The following FANCC variants were observed in gnomAD, a reference collection of about 807,000 sequenced individuals.
FANCC encodes the protein Fanconi anemia group C protein.
Under a neutral mutation model 71.3 loss-of-function variants are expected in FANCC, and 55 were observed. The ratio of observed to expected loss-of-function variants is 0.77; its 90% CI spans 0.62 to 0.97. The LOEUF is 0.97. Among genes scored for constraint, FANCC ranks in the 50% least tolerant of loss-of-function variants. The pLI, the probability that FANCC is intolerant of heterozygous loss-of-function variation, is 0.00. For missense variants in FANCC, 678 were observed against 670.9 expected, an observed-to-expected ratio of 1.01 and a Z score of -0.12; for synonymous variants, 275 against 244.9, an observed-to-expected ratio of 1.12 and a Z score of -1.15.
intron 8 of FANCC, 39 bp downstream of exon 8, chr9:95,135,307 C>T: frequency 1.9e-6 from 3 of 1,603,826 alleles, no homozygotes; most frequent in South Asian, 1.1e-5. Context: ...CAAGCATCTC[C>T]TTCAAGGATT....
At chr9:95,294,510 G>C (rs1182382928) in intron 1 of FANCC, 9 of 1,571,988 alleles carry the variant, frequency 5.7e-6, no homozygotes, top group Admixed American at 1.7e-5. Context: ...GAAGTATTCT[G>C]AAACACTCCA....
In FANCC at chr9:95,100,283, C is replaced by T. The variant is rs1421954676; in HGVS notation, c.*1424G>A. ...CATGATGGCAGCTGCCACCAAAATACTTTACCAGCACACCCTTCTGACTGC... is the reference window on the plus strand; with the variant it reads ...CATGATGGCAGCTGCCACCAAAATATTTTACCAGCACACCCTTCTGACTGC... On this transcript the variant is annotated 3_prime_UTR_variant, in exon 15 of 15. Coordinates refer to ENST00000289081, the MANE Select transcript of FANCC (RefSeq NM_000136.3). 4.3e-6 allele frequency: 1 copy of T among 232,852 alleles called. No individual in the cohort carries two copies. Among genetic ancestry groups the T allele is most frequent in the Non-Finnish European group, 8.5e-6 (1 of 117,848 alleles). The allele number at this position is 232,852 out of a possible 1,614,324, so 14.4% of individuals were successfully genotyped here. A position where few individuals can be genotyped will look rare whatever the true frequency, so the allele number is the denominator to read the frequency against.
chr9:95,294,879 G>C (rs1834277255), intron 1 of FANCC: 1 of 1,375,692 alleles, frequency 7.3e-7, no homozygotes, highest in South Asian at 1.6e-5. Flanking sequence ...ACGGACGGGG[G>C]ACAACAGTAT....
intron 6 of FANCC, among the ~76,000 whole-genome samples, chr9:95,169,279 CCAT>C (rs1395859592): frequency 6.6e-6 from 1 of 152,140 alleles, no homozygotes; most frequent in Non-Finnish European, 1.5e-5. Flanking sequence ...AAAATTACAG[CCAT>C]CATATATGAT....
In FANCC at chr9:95,317,657, C is replaced by T. The variant is rs1351995479; in HGVS notation, c.-210G>A. ...TTTGAGTTTTTTTGGAATTTTCCCG[C>T]GGTCGCCCGGCAGTGGAGCCGCGCG... On this transcript the variant is annotated 5_prime_UTR_variant, in exon 1 of 15. Transcript: ENST00000289081. The T allele has an allele frequency of 2.6e-5, 4 of 152,360 alleles. No individual in the cohort carries two copies. The highest frequency in any genetic ancestry group is 4.4e-5 in the Non-Finnish European group (3 of 68,060). The allele number at this position is 152,360 out of a possible 1,614,324, so 9.4% of individuals were successfully genotyped here.
chr9:95,130,996 GATCTAT>G (rs963230369), intron 8 of FANCC, among the ~76,000 whole-genome samples: 1 of 152,038 alleles, frequency 6.6e-6, no homozygotes, highest in African/African-American at 2.4e-5. Flanking sequence ...TACATTTTCA[GATCTAT>G]TTTGTTTTAA....
In FANCC at chr9:95,293,537, A is replaced by T. The variant is rs1327361270; in HGVS notation, c.-79+23989T>A. ...GTCCATCTAATACTTTACAAGAACT[A>T]GGGAACACATGTCAGAAGAACGGCA... On this transcript the variant is annotated intron_variant, in intron 1 of 14. Coordinates refer to ENST00000289081, the MANE Select transcript of FANCC (RefSeq NM_000136.3). The T allele has an allele frequency of 2.5e-6, 4 of 1,608,776 alleles. No homozygotes were observed. The East Asian group carries it at 8.9e-5, about 36-fold the overall frequency.
At chr9:95,253,728 G>C (rs1324352728) in intron 1 of FANCC, among the ~76,000 whole-genome samples, 3 of 151,676 alleles carry the variant, frequency 2.0e-5, no homozygotes, top group Non-Finnish European at 2.9e-5. Context: ...TCCTTTAGTG[G>C]TGACTTGTGA....
rs1829686400 is a variant in FANCC, at chr9:95,147,246, A to G, written c.686+2677T>C. 2.0e-5 allele frequency among the ~76,000 whole-genome samples: 3 copies of G among 152,110 alleles called. No individual in the cohort carries two copies. The South Asian group carries it at 6.2e-4, about 32-fold the overall frequency. ...AAGAAAAGATGAAACTGGCTGGCGC[A>G]GTGGCTCACGCCTGTAATCCCAGCA... On this transcript the variant is annotated intron_variant, in intron 7 of 14. Coordinates refer to ENST00000289081, the MANE Select transcript of FANCC (RefSeq NM_000136.3).
At chr9:95,163,289 C>G (rs568094043) in intron 6 of FANCC, among the ~76,000 whole-genome samples, 35 of 152,238 alleles carry the variant, frequency 2.3e-4, no homozygotes, top group African/African-American at 8.2e-4. Context: ...TTTTAATGGT[C>G]AATATGTCTG....
intron 6 of FANCC, among the ~76,000 whole-genome samples, chr9:95,151,184 T>C (rs1459732864): frequency 1.3e-5 from 2 of 152,114 alleles, no homozygotes; most frequent in African/African-American, 4.8e-5. Context: ...AGTATTCCCT[T>C]ATAGTACTCA....
intron 6 of FANCC, among the ~76,000 whole-genome samples, chr9:95,170,219 T>C (rs1214739237): frequency 6.6e-6 from 1 of 152,148 alleles, no homozygotes; most frequent in Non-Finnish European, 1.5e-5. Context: ...AATAAATAAA[T>C]CTAAACACTC....
In FANCC at chr9:95,150,034, G is replaced by A. The variant is rs776991402; in HGVS notation, c.575C>T (p.Thr192Ile). 1 of 1,614,102 alleles carries A rather than the reference G, an allele frequency of 6.2e-7. No individual in the cohort carries two copies. Among genetic ancestry groups the A allele is most frequent in the Non-Finnish European group, 8.5e-7 (1 of 1,180,006 alleles). The stretch of plus-strand genomic sequence containing the variant: ...CACCAGGGGGTCAACATCTGTCAGG[G>A]TAATAAGTGGGACACAAACTCGTGA... The part of the protein sequence containing the change: ...SLSRVCVPLI[T>I]LTDVDPLVEA... Residue 192 changes from threonine (T) to isoleucine (I), a missense_variant, in exon 7 of 15, where the codon ACC (threonine) becomes ATC (isoleucine). Physicochemically the swap from Thr to Ile is moderately conservative, Grantham distance 89 (BLOSUM62 -1). Transcript: ENST00000289081.
At chr9:95,117,267 T>C in intron 11 of FANCC, 48 bp downstream of exon 11, 1 of 1,542,800 alleles carries the variant, frequency 6.5e-7, no homozygotes, top group Non-Finnish European at 9.0e-7. Flanking sequence ...TTGACAATGC[T>C]CTTCCCAGGA....
At chr9:95,201,843 G>A (rs1006392146) in intron 4 of FANCC, among the ~76,000 whole-genome samples, 17 of 152,112 alleles carry the variant, frequency 1.1e-4, no homozygotes, top group African/African-American at 3.1e-4. Flanking sequence ...TTTTTAAGTC[G>A]CAGGTTTAAA....
chr9:95,233,850 C>T (rs1029835579), intron 4 of FANCC, among the ~76,000 whole-genome samples: 25 of 152,144 alleles, frequency 1.6e-4, no homozygotes, highest in African/African-American at 6.0e-4. Context: ...ACTCACACTA[C>T]GACCTTAGCC....
chr9:95,163,885 A>C (rs1393040919), intron 6 of FANCC, among the ~76,000 whole-genome samples: 1 of 152,140 alleles, frequency 6.6e-6, no homozygotes, highest in East Asian at 1.9e-4. Flanking sequence ...ACCCCAAAAA[A>C]ACCATACCCA....
intron 4 of FANCC, among the ~76,000 whole-genome samples, chr9:95,196,669 G>A (rs1827478327): frequency 2.6e-5 from 4 of 152,160 alleles, no homozygotes; most frequent in Admixed American, 2.0e-4. Context: ...CTAATCCAGG[G>A]TCAGTGACTG....
At chr9:95,169,683 G>C (rs1825539384) in intron 6 of FANCC, among the ~76,000 whole-genome samples, 1 of 152,174 alleles carries the variant, frequency 6.6e-6, no homozygotes, top group African/African-American at 2.4e-5. Flanking sequence ...GGCTATTCTA[G>C]ACTTTGAGCT....
Sources: gnomAD v4.1 joint callset for allele counts (sites outside exome capture counted in the v4.1 genomes callset) on GRCh38, gnomAD v4.1.1 for gene constraint, MANE v1.5 for transcripts, NCBI Gene and HGNC (gene_info 2026-07-23, HGNC 2026-07-21) for gene names.